The following FAM114A2 variants were observed in gnomAD, a reference collection of about 807,000 sequenced individuals.
The protein encoded by FAM114A2 is protein FAM114A2.
In FAM114A2, 53 loss-of-function variants were observed where a neutral mutation model predicts 58.4. The ratio of observed to expected loss-of-function variants is 0.91; its 90% CI spans 0.73 to 1.14. FAM114A2 has a LOEUF of 1.14. FAM114A2 is among the 50% of genes most tolerant of loss of function. The probability of loss-of-function intolerance (pLI) is 0.00; values close to 1 mark genes in which losing one functional copy is unlikely to be tolerated. For synonymous variants in FAM114A2, 228 were observed against 211.4 expected, an observed-to-expected ratio of 1.08 and a Z score of -0.68; for missense variants, 601 against 581.1, an observed-to-expected ratio of 1.03 and a Z score of -0.35.
chr5:154,027,375 G>A, intron 6 of FAM114A2, 41 bp from the exon 7 acceptor site: 1 of 1,551,452 alleles, frequency 6.4e-7, no homozygotes, highest in Non-Finnish European at 8.8e-7. Flanking sequence ...CAAACAATGA[G>A]AGCTCAAGGG....
At chr5:153,995,264 C>CA (rs1201948521) in intron 12 of FAM114A2, 1 of 251,548 alleles carries the variant, frequency 4.0e-6, no homozygotes, top group Non-Finnish European at 7.6e-6. Flanking sequence ...CATTTTAAAA[C>CA]AAAACATGTA....
At chr5:154,036,948 G>A (rs542833038) in intron 1 of FAM114A2, 40 of 152,332 alleles carry the variant, frequency 2.6e-4, no homozygotes, top group African/African-American at 7.5e-4. Context: ...ACTAGCTTGT[G>A]CTAAATAGCC....
intron 9 of FAM114A2, among the ~76,000 whole-genome samples, chr5:154,003,177 G>T (rs1581773902): frequency 7.4e-6 from 1 of 134,878 alleles, no homozygotes; most frequent in African/African-American, 2.7e-5. Flanking sequence ...CTAATTGGTA[G>T]TATTTTTTTT....
intron 8 of FAM114A2, among the ~76,000 whole-genome samples, chr5:154,023,299 A>T (rs550707277): frequency 6.6e-6 from 1 of 152,302 alleles, no homozygotes; most frequent in South Asian, 2.1e-4. Context: ...AAAATAATTT[A>T]AAAAAGAAAA....
At position 154,003,007 on chromosome 5, in the gene FAM114A2, C is replaced by T. The variant is rs1347406000; in HGVS notation, c.994-38G>A. On this transcript the variant is annotated intron_variant, in intron 9 of 13. Coordinates refer to ENST00000351797, the MANE Select transcript of FAM114A2 (RefSeq NM_018691.4). The stretch of plus-strand genomic sequence containing the variant: ...AATATTGGCCATCAACAATTCAATT[C>T]AGTTTACCAAAATTACTGTGCACCT... The T allele has an allele frequency of 5.0e-6, 8 of 1,606,218 alleles. 1 individual carries two copies. The East Asian group carries it at 1.6e-4, about 31-fold the overall frequency.
At chr5:154,014,943 G>C (rs1460869071) in intron 8 of FAM114A2, among the ~76,000 whole-genome samples, 1 of 152,180 alleles carries the variant, frequency 6.6e-6, no homozygotes, top group Non-Finnish European at 1.5e-5. Flanking sequence ...CCTGGAAACA[G>C]ACTCAGTGTG....
chr5:154,032,049 A>G (rs1246501706), intron 4 of FAM114A2, among the ~76,000 whole-genome samples: 1 of 152,190 alleles, frequency 6.6e-6, no homozygotes, highest in Admixed American at 6.5e-5. Context: ...AATTGACTCT[A>G]CCTCTGCTCT....
At chr5:154,020,942 T>C (rs896057678) in intron 8 of FAM114A2, among the ~76,000 whole-genome samples, 1 of 152,106 alleles carries the variant, frequency 6.6e-6, no homozygotes, top group Non-Finnish European at 1.5e-5. Flanking sequence ...AAAAAGCTTA[T>C]CCACCAAGAT....
rs557479766 is a variant in FAM114A2, at chr5:154,019,682, G to C, written c.913+6717C>G. On this transcript the variant is annotated intron_variant, in intron 8 of 13. Transcript: ENST00000351797. ...ACAGCATGGTATTAGTATAAAAACA[G>C]GCACGTAGTCCAATAGAACAGAATA... Among the ~76,000 whole-genome samples the C allele has an allele frequency of 3.9e-5, 6 of 152,214 alleles. No individual in the cohort carries two copies. In the East Asian group the frequency reaches 1.2e-3, roughly 29 times the overall value.
intron 1 of FAM114A2, among the ~76,000 whole-genome samples, chr5:154,035,993 TG>T (rs1223528119): frequency 6.6e-6 from 1 of 152,216 alleles, no homozygotes; most frequent in Non-Finnish European, 1.5e-5. Context: ...TCCTTGTCAG[TG>T]AAATATCTTT....
rs1581771893 is a variant in FAM114A2, at chr5:154,002,532, T to C, written c.1117-142A>G. 1.1e-5 allele frequency: 10 copies of C among 945,440 alleles called. No homozygotes were observed. In the East Asian group the frequency reaches 1.6e-4, roughly 15 times the overall value. The allele number at this position is 945,440 out of a possible 1,614,324, so 58.6% of individuals were successfully genotyped here. A position where few individuals can be genotyped will look rare whatever the true frequency, so the allele number is the denominator to read the frequency against. On this transcript the variant is annotated intron_variant, in intron 10 of 13. Transcript: ENST00000351797. ...AGAGTGTCTTCTTCTTCCACAGTAG[T>C]GATATAATTTTACAGCTGGGCTCCC...
intron 6 of FAM114A2, 115 bp downstream of exon 6, chr5:154,028,034 A>G (rs1771913041): frequency 2.1e-6 from 2 of 969,574 alleles, no homozygotes; most frequent in East Asian, 4.9e-5. Flanking sequence ...AAACGCCTGA[A>G]TAAACATTAT....
intron 8 of FAM114A2, among the ~76,000 whole-genome samples, chr5:154,012,013 C>A (rs2113325586): frequency 6.6e-6 from 1 of 152,066 alleles, no homozygotes; most frequent in Non-Finnish European, 1.5e-5. Flanking sequence ...TAAGCAGAAA[C>A]AGAATCACAT....
chr5:154,016,360 T>G (rs2578383), intron 8 of FAM114A2, among the ~76,000 whole-genome samples: 99,133 of 151,996 alleles, frequency 0.65, 32,704 homozygotes, highest in East Asian at 0.88. Context: ...CAAGCTGTGA[T>G]ACAGAAGCAC....
chr5:154,002,381 C>T lies in FAM114A2; in HGVS notation c.1126G>A (p.Ala376Thr). 6.2e-7 allele frequency: 1 copy of T among 1,613,706 alleles called. No individual in the cohort carries two copies. The highest frequency in any genetic ancestry group is 8.5e-7 in the Non-Finnish European group (1 of 1,179,662). ...VNKNSIEDIH[A>T]FAIRSLAELT... Reference sequence around the variant, plus strand: ...TCAGCCAGGCTCCGGATTGCAAACGCATGGATATCCTGGATGGAAAAACAA... The same window carrying T: ...TCAGCCAGGCTCCGGATTGCAAACGTATGGATATCCTGGATGGAAAAACAA... Residue 376 changes from alanine (A) to threonine (T), a missense_variant, in exon 11 of 14, where the codon GCG (alanine) becomes ACG (threonine). Coordinates refer to ENST00000351797, the MANE Select transcript of FAM114A2 (RefSeq NM_018691.4).
In FAM114A2 at chr5:153,994,748, T is replaced by C. The variant is rs564891618; in HGVS notation, c.1383+171A>G. 16 of 553,730 alleles carry C rather than the reference T, an allele frequency of 2.9e-5. No homozygotes were observed. In the South Asian group the frequency reaches 3.7e-4, roughly 13 times the overall value. The allele number at this position is 553,730 out of a possible 1,614,324, so 34.3% of individuals were successfully genotyped here. On this transcript the variant is annotated intron_variant, in intron 13 of 13. Coordinates refer to ENST00000351797, the MANE Select transcript of FAM114A2 (RefSeq NM_018691.4). ...GCAGCTTCAACTGTATGCTTTCTAA[T>C]TAATAAGGAAGGAATACACATCAAA...
intron 4 of FAM114A2, among the ~76,000 whole-genome samples, chr5:154,030,438 G>T (rs1772108113): frequency 6.6e-6 from 1 of 152,158 alleles, no homozygotes; most frequent in South Asian, 2.1e-4. Context: ...CTGAAAAACT[G>T]GACAATATAT....
chr5:154,010,349 G>A (rs1053756827), intron 9 of FAM114A2, among the ~76,000 whole-genome samples: 1 of 152,316 alleles, frequency 6.6e-6, no homozygotes, highest in African/African-American at 2.4e-5. Flanking sequence ...CTTTAGTAAA[G>A]TGTTACAGTA....
chr5:154,012,077 G>A (rs1054715834), intron 8 of FAM114A2, among the ~76,000 whole-genome samples: 4 of 151,890 alleles, frequency 2.6e-5, no homozygotes, highest in African/African-American at 7.3e-5. Flanking sequence ...ATTAGAAGGC[G>A]GAAAAGAAGA....
Sources: allele counts gnomAD v4.1 joint callset (sites outside exome capture counted in the v4.1 genomes callset), GRCh38; gene constraint gnomAD v4.1.1; transcripts MANE v1.5; gene names NCBI Gene and HGNC (gene_info 2026-07-23, HGNC 2026-07-21).